Variants in GLIS3 observed in about 807,000 individuals in gnomAD.
GLIS3 encodes zinc finger protein GLIS3.
Under a neutral mutation model 78.6 loss-of-function variants are expected in GLIS3, and 53 were observed. That is an observed-to-expected ratio of 0.67 (90% CI 0.54 to 0.85). The LOEUF (loss-of-function observed/expected upper bound fraction) is 0.85, where lower values mean the gene tolerates loss of function less well. GLIS3 is among the 40% of genes least tolerant of loss of function. The pLI is 0.00. For synonymous variants in GLIS3, 684 were observed against 509.9 expected (o/e 1.34, Z -4.60); for missense variants, 1,703 against 1,231.1 (o/e 1.38, Z -5.74).
Position 4,325,879 on chromosome 9 carries a change from G to A in GLIS3, n.265-15351C>T, listed in dbSNP as rs548249073. The stretch of plus-strand genomic sequence containing the variant: ...TGTAATATTATGCAGCCATGAAAAG[G>A]AATGAGATCATGTCCTTTGCTGGGA... On this transcript the variant is annotated intron_variant and non_coding_transcript_variant, in intron 2 of 4. Transcript: ENST00000471664. Among the ~76,000 whole-genome samples, 7 of 152,294 alleles carry A rather than the reference G, an allele frequency of 4.6e-5. No individual in the cohort carries two copies. In the South Asian group the frequency reaches 8.3e-4, roughly 18 times the overall value.
At chr9:4,433,397 A>C in the GLIS3 span, among the ~76,000 whole-genome samples, 1 of 152,124 alleles carries the variant, frequency 6.6e-6, no homozygotes, top group Non-Finnish European at 1.5e-5. Context: ...GCACCACTTC[A>C]CTCCAGCCTA....
At position 3,991,721 on chromosome 9, in the gene GLIS3, C is replaced by G. The variant is rs532287523; in HGVS notation, c.1711-54532G>C. ...TTTTTTTTTTTTTGAGACGGAGTCT[C>G]ACTCTGTCGCCCAGGCTGGAGTGCA... On this transcript the variant is annotated intron_variant, in intron 4 of 10. Coordinates refer to ENST00000381971, the MANE Select transcript of GLIS3 (RefSeq NM_001042413.2). Among the ~76,000 whole-genome samples, 16 of 104,454 alleles carry G rather than the reference C, an allele frequency of 1.5e-4. No individual in the cohort carries two copies. The East Asian group carries it at 4.3e-3, about 28-fold the overall frequency. The allele number at this position is 104,454 out of a possible 152,430, so 68.5% of individuals were successfully genotyped here. A position where few individuals can be genotyped will look rare whatever the true frequency, so the allele number is the denominator to read the frequency against.
intron 2 of GLIS3, among the ~76,000 whole-genome samples, chr9:4,202,642 T>G (rs1170969938): frequency 6.6e-6 from 1 of 151,972 alleles, no homozygotes; most frequent in Non-Finnish European, 1.5e-5. Context: ...TGGAATAGAA[T>G]AGAGAACCCA....
At chr9:4,434,640 T>C in the GLIS3 span, among the ~76,000 whole-genome samples, 1 of 152,186 alleles carries the variant, frequency 6.6e-6, no homozygotes, top group Non-Finnish European at 1.5e-5. Flanking sequence ...AGAAACCTTC[T>C]CTAGAGGTGT....
chr9:4,118,206 C>A lies in GLIS3; in HGVS notation c.1272G>T (p.Ser424=), dbSNP rs764287243. The change falls in exon 4 of 11, where the codon TCG becomes TCT. Residue 424 remains serine (S), a synonymous_variant. Coordinates refer to ENST00000381971, the MANE Select transcript of GLIS3 (RefSeq NM_001042413.2). This position sits in a 1 kb window ranked among gnomAD's most constrained non-coding sequence, Gnocchi z 4.7. ...GGCGTTCGGTCTTGAACAGGCCGGC[C>A]GACTGGCTGTCGGGGCCCGGCAGGC... ...QHGLPGPDSQ[S]AGLFKTERLE... 3.2e-6 allele frequency: 5 copies of A among 1,585,930 alleles called. No individual in the cohort carries two copies. The highest frequency in any genetic ancestry group is 1.7e-5 in the Admixed American group (1 of 57,666).
At chr9:4,258,169 T>C (rs1027599309) in intron 2 of GLIS3, among the ~76,000 whole-genome samples, 1 of 152,174 alleles carries the variant, frequency 6.6e-6, no homozygotes, top group Non-Finnish European at 1.5e-5. Flanking sequence ...AAAAAATACG[T>C]CTTTTTTGTT....
the GLIS3 span, among the ~76,000 whole-genome samples, chr9:4,397,242 G>C: frequency 6.8e-6 from 1 of 146,662 alleles, no homozygotes; most frequent in African/African-American, 2.6e-5. Flanking sequence ...AGCCGGGATG[G>C]TCTCGATCTC....
At chr9:3,935,809 C>T (rs998295608) in intron 5 of GLIS3, among the ~76,000 whole-genome samples, 2 of 152,090 alleles carry the variant, frequency 1.3e-5, no homozygotes, top group Admixed American at 1.3e-4. Flanking sequence ...CCTAAAATCA[C>T]TGAATTCAGG....
chr9:4,155,522 G>C (rs1564127625), intron 2 of GLIS3, among the ~76,000 whole-genome samples: 3 of 152,144 alleles, frequency 2.0e-5, no homozygotes, highest in African/African-American at 7.2e-5. Flanking sequence ...CAAAACGTTT[G>C]TGCCTTCATA....
chr9:4,266,589 C>T (rs1047606898), intron 2 of GLIS3, among the ~76,000 whole-genome samples: 43 of 99,142 alleles, frequency 4.3e-4, no homozygotes, highest in Non-Finnish European at 5.8e-4. Context: ...CACATGCATG[C>T]GCGTGTACAC....
chr9:4,417,448 G>A, the GLIS3 span, among the ~76,000 whole-genome samples: 94 of 152,244 alleles, frequency 6.2e-4, no homozygotes, highest in African/African-American at 2.0e-3. Flanking sequence ...TCTACTTAAT[G>A]TATCTTGGCA....
chr9:4,384,209 C>G, the GLIS3 span, among the ~76,000 whole-genome samples: 1 of 152,164 alleles, frequency 6.6e-6, no homozygotes, highest in African/African-American at 2.4e-5. Context: ...GTGGTGAACA[C>G]AGGGTGCTGG....
chr9:4,287,295 A>C (rs969876941), intron 1 of GLIS3, among the ~76,000 whole-genome samples: 1 of 152,220 alleles, frequency 6.6e-6, no homozygotes, highest in Non-Finnish European at 1.5e-5. Context: ...CAGTATGTAC[A>C]TGATACATGA....
intron 2 of GLIS3, among the ~76,000 whole-genome samples, chr9:4,173,074 T>C (rs756531923): frequency 6.6e-6 from 1 of 152,196 alleles, no homozygotes; most frequent in African/African-American, 2.4e-5. Context: ...ATTCCACCCG[T>C]GGAGTTGGAA....
chr9:4,296,308 A>AT (rs921114308), intron 1 of GLIS3, among the ~76,000 whole-genome samples: 1 of 151,664 alleles, frequency 6.6e-6, no homozygotes, highest in Non-Finnish European at 1.5e-5. Context: ...AAAAAAAAAA[A>AT]AAGACCGAGA....
chr9:4,199,103 A>G (rs1045587984), intron 2 of GLIS3, among the ~76,000 whole-genome samples: 2 of 152,238 alleles, frequency 1.3e-5, no homozygotes, highest in African/African-American at 4.8e-5. Context: ...CTGTTACCAC[A>G]AAAACACACT....
chr9:4,466,971 A>G, the GLIS3 span, among the ~76,000 whole-genome samples: 3 of 152,250 alleles, frequency 2.0e-5, no homozygotes, highest in Admixed American at 1.3e-4. Context: ...CAAATGGCAC[A>G]CCAGAAGATT....
chr9:4,079,342 A>C (rs1350964353), intron 4 of GLIS3, among the ~76,000 whole-genome samples: 1 of 152,214 alleles, frequency 6.6e-6, no homozygotes, highest in Non-Finnish European at 1.5e-5. Flanking sequence ...AGTCAAAGGC[A>C]AACTAGGAAA....
intron 2 of GLIS3, among the ~76,000 whole-genome samples, chr9:4,241,613 T>TA (rs553813054): frequency 2.0e-5 from 3 of 152,138 alleles, no homozygotes; most frequent in Non-Finnish European, 2.9e-5. Context: ...TATCAATTTT[T>TA]AAAAAAAATT....
Sources: allele counts gnomAD v4.1 joint callset (sites outside exome capture counted in the v4.1 genomes callset), GRCh38; gene constraint gnomAD v4.1.1; non-coding constraint Gnocchi (gnomAD v3.1); transcripts MANE v1.5; gene names NCBI Gene and HGNC (gene_info 2026-07-23, HGNC 2026-07-21).